Variants in SHROOM3 observed in about 807,000 individuals in gnomAD.
SHROOM3 encodes protein Shroom3.
Under a neutral mutation model 138.6 loss-of-function variants are expected in SHROOM3, and 47 were observed. The observed-to-expected ratio is 0.34, with a 90% confidence interval of 0.27 to 0.43. The LOEUF is 0.43. Ranked by LOEUF, SHROOM3 falls within the 20% of genes least tolerant of loss-of-function variation. The pLI is 1.00. For synonymous variants in SHROOM3, 1,062 were observed against 1,063.3 expected (o/e 1.00, Z 0.02); for missense variants, 2,491 against 2,596.5 (o/e 0.96, Z 0.88).
At chr4:76,547,625 C>G (rs966652423) in intron 1 of SHROOM3, among the ~76,000 whole-genome samples, 1 of 151,946 alleles carries the variant, frequency 6.6e-6, no homozygotes, top group South Asian at 2.1e-4. Context: ...AAGCAAGATA[C>G]GTAAGTAAAA....
chr4:76,584,274 C>T (rs542806454), intron 2 of SHROOM3, among the ~76,000 whole-genome samples: 1 of 151,672 alleles, frequency 6.6e-6, no homozygotes, highest in African/African-American at 2.4e-5. Flanking sequence ...GCTGAGATTG[C>T]ACCACTGCAC....
chr4:76,476,944 C>T (rs1731496079), intron 1 of SHROOM3, among the ~76,000 whole-genome samples: 2 of 152,046 alleles, frequency 1.3e-5, no homozygotes, highest in African/African-American at 4.8e-5. Flanking sequence ...TGTTCATGAA[C>T]TATATCTTAA....
intron 1 of SHROOM3, among the ~76,000 whole-genome samples, chr4:76,474,974 G>A (rs1731455287): frequency 6.6e-6 from 1 of 151,912 alleles, no homozygotes; most frequent in Non-Finnish European, 1.5e-5. Flanking sequence ...TGTGATTAGA[G>A]CGTGGTTCAA....
chr4:76,612,015 A>T (rs957375304), intron 2 of SHROOM3, among the ~76,000 whole-genome samples: 4 of 152,196 alleles, frequency 2.6e-5, no homozygotes, highest in Admixed American at 6.5e-5. Context: ...TTGCTCAGAC[A>T]CAGTTCTTTC....
chr4:76,613,669 A>G (rs1734810592), intron 2 of SHROOM3, among the ~76,000 whole-genome samples: 1 of 152,170 alleles, frequency 6.6e-6, no homozygotes, highest in African/African-American at 2.4e-5. Context: ...TCCTCTTGTT[A>G]TAATGTTGAT....
chr4:76,550,281 A>G (rs1733322268), intron 1 of SHROOM3, among the ~76,000 whole-genome samples: 1 of 152,198 alleles, frequency 6.6e-6, no homozygotes, highest in Non-Finnish European at 1.5e-5. Flanking sequence ...ATGCTTAAAA[A>G]ATACTTGTGA....
At chr4:76,662,507 C>T (rs754361382) in intron 2 of SHROOM3, among the ~76,000 whole-genome samples, 1 of 152,190 alleles carries the variant, frequency 6.6e-6, no homozygotes, top group South Asian at 2.1e-4. Context: ...CCAAACCTAC[C>T]TGGATAATCT....
chr4:76,771,007 T>G, intron 10 of SHROOM3, 109 bp downstream of exon 10: 1 of 1,411,538 alleles, frequency 7.1e-7, no homozygotes, highest in Non-Finnish European at 1.0e-6. Context: ...TGGCAATCTC[T>G]TTGGGGCAGG....
intron 2 of SHROOM3, among the ~76,000 whole-genome samples, chr4:76,556,788 C>T (rs1733491929): frequency 6.6e-6 from 1 of 152,184 alleles, no homozygotes; most frequent in Admixed American, 6.6e-5. Context: ...TAAAGACCTG[C>T]ATTAATTCAT....
chr4:76,552,151 T>C lies in SHROOM3; in HGVS notation c.169-3458T>C, dbSNP rs371735958. Among the ~76,000 whole-genome samples the C allele has an allele frequency of 9.5e-4, 143 of 150,990 alleles. 1 individual carries two copies. The highest frequency in any genetic ancestry group is 4.2e-3 in the South Asian group (20 of 4,784). ...TGCTGGGATTACAGGCATGAGCCAC[T>C]GCGCCTGGCCTAAATTTTTAATTGT... is the stretch of plus-strand genomic sequence containing the variant. On this transcript the variant is annotated intron_variant, in intron 1 of 10. Coordinates refer to ENST00000296043, the MANE Select transcript of SHROOM3 (RefSeq NM_020859.4).
intron 2 of SHROOM3, among the ~76,000 whole-genome samples, chr4:76,674,533 C>A (rs902082257): frequency 3.5e-4 from 47 of 132,614 alleles, no homozygotes; most frequent in African/African-American, 1.3e-3. Flanking sequence ...CTCTTTCTTT[C>A]TTTCTTTCCT....
chr4:76,516,791 C>T (rs1164750658), intron 1 of SHROOM3, among the ~76,000 whole-genome samples: 1 of 152,100 alleles, frequency 6.6e-6, no homozygotes, highest in Non-Finnish European at 1.5e-5. Context: ...ATAGCTGCTA[C>T]CTCCAATCCC....
At chr4:76,766,480 C>T (rs938032228) in intron 9 of SHROOM3, among the ~76,000 whole-genome samples, 3 of 152,132 alleles carry the variant, frequency 2.0e-5, no homozygotes, top group Admixed American at 6.5e-5. Context: ...GGGAAGAACT[C>T]GTATAAATAG....
chr4:76,526,838 A>G (rs879937943), intron 1 of SHROOM3, among the ~76,000 whole-genome samples: 10 of 152,188 alleles, frequency 6.6e-5, no homozygotes, highest in Non-Finnish European at 1.2e-4. Context: ...CCTGATGTCT[A>G]TGACAGATCA....
chr4:76,565,973 G>C (rs969373863), intron 2 of SHROOM3, among the ~76,000 whole-genome samples: 3 of 151,984 alleles, frequency 2.0e-5, no homozygotes, highest in African/African-American at 7.3e-5. Context: ...AGCCGGGCAT[G>C]GTGGTGCGTG....
intron 1 of SHROOM3, among the ~76,000 whole-genome samples, chr4:76,519,141 G>A (rs575035206): frequency 9.5e-4 from 144 of 152,286 alleles, no homozygotes; most frequent in Middle Eastern, 6.8e-3. Flanking sequence ...GCCCACCTGG[G>A]TGGCCAGTGA....
chr4:76,657,258 G>A (rs993803889), intron 2 of SHROOM3, among the ~76,000 whole-genome samples: 3 of 151,946 alleles, frequency 2.0e-5, no homozygotes, highest in Admixed American at 1.3e-4. Flanking sequence ...GAGGATTTAA[G>A]TTCTTTCCAA....
At chr4:76,512,993 T>C (rs1028323658) in intron 1 of SHROOM3, among the ~76,000 whole-genome samples, 2 of 152,200 alleles carry the variant, frequency 1.3e-5, no homozygotes, top group Non-Finnish European at 2.9e-5. Context: ...TCTTGTGAAT[T>C]GCTTTGATGC....
rs532284158 is a variant in SHROOM3, at chr4:76,710,081, G to A, written c.324-75G>A. On this transcript the variant is annotated intron_variant, in intron 2 of 10. Coordinates refer to ENST00000296043, the MANE Select transcript of SHROOM3 (RefSeq NM_020859.4). ...GGGGTTCGTTTTCATGTGCTTTTTC[G>A]GTTTTTAAGATTCATTTGTGCTCCT... The A allele has an allele frequency of 3.0e-5, 48 of 1,605,790 alleles. No homozygotes were observed. In the East Asian group the frequency reaches 3.4e-4, roughly 11 times the overall value.
Sources: allele counts gnomAD v4.1 joint callset (sites outside exome capture counted in the v4.1 genomes callset), GRCh38; gene constraint gnomAD v4.1.1; transcripts MANE v1.5; gene names NCBI Gene and HGNC (gene_info 2026-07-23, HGNC 2026-07-21).